Variants in RYR3 observed in about 807,000 individuals in gnomAD.
RYR3 encodes ryanodine receptor 3, also known as brain ryanodine receptor-calcium release channel.
Under a neutral mutation model 584.3 loss-of-function variants are expected in RYR3, and 207 were observed. The observed-to-expected ratio is 0.35, with a 90% CI of 0.32 to 0.40. RYR3 has a LOEUF of 0.40. RYR3 is among the 10% of genes least tolerant of loss of function. The pLI is 1.00. For missense variants in RYR3, 5,616 were observed against 6,089.2 expected (o/e 0.92, Z 2.59); for synonymous variants, 2,416 against 2,248.5 (o/e 1.07, Z -2.11).
Position 33,491,988 on chromosome 15 carries a change from T to C in RYR3, c.172-11643T>C, listed in dbSNP as rs2142516044. 2.6e-5 allele frequency among the ~76,000 whole-genome samples: 4 copies of C among 152,328 alleles called. No homozygotes were observed. In the East Asian group the frequency reaches 5.8e-4, roughly 22 times the overall value. ...CTTTCATTTTACCCAACCTCCATAC[T>C]TACAGTTCTTCCTGGTAAGGATGAC... On this transcript the variant is annotated intron_variant, in intron 2 of 103. Coordinates refer to ENST00000634891, the MANE Select transcript of RYR3 (RefSeq NM_001036.6).
rs549676537 is a variant in RYR3, at chr15:33,756,472, A to G, written c.8583+99A>G. 114 of 853,894 alleles carry G rather than the reference A, an allele frequency of 1.3e-4. 1 individual carries two copies. The highest frequency in any genetic ancestry group is 4.0e-4 in the East Asian group (15 of 37,488). 52.9% of individuals were successfully genotyped at this position (853,894 alleles called of 1,614,324 possible). Reference sequence around the variant, plus strand: ...TCCAGTGAAGATATCTAAAACTCCAATGGCTTCAGTGAGGTACATGTATAT... The same window carrying G: ...TCCAGTGAAGATATCTAAAACTCCAGTGGCTTCAGTGAGGTACATGTATAT... On this transcript the variant is annotated intron_variant, in intron 59 of 103. Transcript: ENST00000634891.
At chr15:33,578,776 A>AC (rs2058439425) in intron 12 of RYR3, among the ~76,000 whole-genome samples, 1 of 45,114 alleles carries the variant, frequency 2.2e-5, no homozygotes, top group South Asian at 5.1e-4. Flanking sequence ...AAAAAAAAAA[A>AC]AACAACAACA....
In RYR3 at chr15:33,772,121, G is replaced by A; in HGVS notation, c.9018G>A (p.Glu3006=). 6.2e-7 allele frequency: 1 copy of A among 1,613,412 alleles called. No homozygotes were observed. The highest frequency in any genetic ancestry group is 8.5e-7 in the Non-Finnish European group (1 of 1,179,558). Residue 3006 remains glutamate (E), a synonymous_variant, in exon 63 of 104, where the codon GAG becomes GAA. Transcript: ENST00000634891. ...TCCCCATCCTGACGTCCATCTTTGA[G>A]CACGTCACTCAGCATCAGTTTGGAA... ...ALLPILTSIF[E]HVTQHQFGMD...
At chr15:33,569,747 T>C (rs1331338561) in intron 12 of RYR3, among the ~76,000 whole-genome samples, 1 of 152,184 alleles carries the variant, frequency 6.6e-6, no homozygotes, top group African/African-American at 2.4e-5. Context: ...CATCTTTTCC[T>C]ACATTTGTTA....
chr15:33,654,051 T>C (rs2062669172), intron 32 of RYR3, among the ~76,000 whole-genome samples: 1 of 152,176 alleles, frequency 6.6e-6, no homozygotes. Flanking sequence ...GGGAGGTTAA[T>C]GTCTACGTTA....
Position 33,823,040 on chromosome 15 carries a change from T to G in RYR3, c.11040T>G (p.Phe3680Leu), listed in dbSNP as rs779268463. The change falls in exon 81 of 104, where the codon TTT (phenylalanine) becomes TTG (leucine). Residue 3680 changes from phenylalanine to leucine, a missense_variant. Transcript: ENST00000634891. ...YLKEKKDAGF[F>L]QSLSGLMQSC... ...AGGAGAAAAAGGATGCTGGATTCTT[T>G]CAAAGCCTTTCTGGTCTTATGCAGT... 3.1e-6 allele frequency: 5 copies of G among 1,613,660 alleles called. No homozygotes were observed. The highest frequency in any genetic ancestry group is 4.2e-6 in the Non-Finnish European group (5 of 1,179,718).
intron 10 of RYR3, among the ~76,000 whole-genome samples, chr15:33,555,536 C>A (rs1691473422): frequency 6.6e-6 from 1 of 152,090 alleles, no homozygotes; most frequent in South Asian, 2.1e-4. Context: ...TCAAGGAAAA[C>A]CTTGGGCTTC....
intron 42 of RYR3, among the ~76,000 whole-genome samples, chr15:33,702,419 G>C (rs973582808): frequency 3.9e-5 from 6 of 152,190 alleles, no homozygotes; most frequent in African/African-American, 7.2e-5. Flanking sequence ...TTGATGCAGT[G>C]GGTGTGAGAA....
intron 18 of RYR3, among the ~76,000 whole-genome samples, chr15:33,610,336 T>G (rs145084916): frequency 1.3e-5 from 2 of 152,334 alleles, no homozygotes; most frequent in African/African-American, 4.8e-5. Context: ...TTCCTCTCCC[T>G]CTAGAAGGCA....
intron 1 of RYR3, among the ~76,000 whole-genome samples, chr15:33,364,652 C>T (rs1367505405): frequency 6.6e-6 from 1 of 152,136 alleles, no homozygotes; most frequent in Non-Finnish European, 1.5e-5. Flanking sequence ...AAGTCATCTC[C>T]TAAGATATAG....
intron 36 of RYR3, among the ~76,000 whole-genome samples, chr15:33,664,597 A>G (rs890272221): frequency 1.2e-4 from 15 of 125,174 alleles, no homozygotes; most frequent in African/African-American, 3.7e-4. Context: ...GTGTATATAT[A>G]TATATATATA....
At chr15:33,756,282 T>G (rs957557665) in intron 58 of RYR3, 24 bp from the exon 59 acceptor site, 2 of 1,550,500 alleles carry the variant, frequency 1.3e-6, no homozygotes, top group African/African-American at 2.7e-5. Context: ...TCTGGCCAAC[T>G]TTGTGTTACC....
chr15:33,860,763 G>T, intron 101 of RYR3, 104 bp downstream of exon 101: 1 of 896,652 alleles, frequency 1.1e-6, no homozygotes, highest in South Asian at 1.7e-5. Flanking sequence ...CCAGTACTAA[G>T]CAAGAACGCA....
At chr15:33,774,522 T>C (rs943229395) in intron 64 of RYR3, among the ~76,000 whole-genome samples, 9 of 152,202 alleles carry the variant, frequency 5.9e-5, no homozygotes, top group Admixed American at 4.6e-4. Flanking sequence ...TTTCTCAATA[T>C]AGCCAAAGAT....
intron 81 of RYR3, 54 bp from the exon 82 acceptor site, chr15:33,825,549 C>A: frequency 8.6e-7 from 1 of 1,167,406 alleles, no homozygotes; most frequent in Non-Finnish European, 1.3e-6. Context: ...CATTAGAAAT[C>A]TGCTTTCCCA....
intron 1 of RYR3, among the ~76,000 whole-genome samples, chr15:33,435,457 A>C (rs772789228): frequency 6.6e-6 from 1 of 152,120 alleles, no homozygotes; most frequent in Admixed American, 6.5e-5. Context: ...GGGGCTCTGG[A>C]TATGTGTATG....
intron 1 of RYR3, 157 bp from the exon 2 acceptor site, chr15:33,473,262 T>TA (rs1417964787): frequency 3.0e-5 from 26 of 875,426 alleles, no homozygotes; most frequent in Non-Finnish European, 4.8e-5. Context: ...GTCCTGTGAA[T>TA]AAAAAATCTC....
chr15:33,416,111 C>T (rs35665563), intron 1 of RYR3, among the ~76,000 whole-genome samples: 8,322 of 152,214 alleles, frequency 0.055, 323 homozygotes, highest in Non-Finnish European at 0.081. Flanking sequence ...CATTGATGGG[C>T]GCCCAGGCTG....
intron 1 of RYR3, among the ~76,000 whole-genome samples, chr15:33,438,674 G>A (rs911036239): frequency 6.6e-6 from 1 of 152,022 alleles, no homozygotes; most frequent in Admixed American, 6.5e-5. Flanking sequence ...TGAGGATAAC[G>A]GACATATTCA....
Sources: allele counts gnomAD v4.1 joint callset (sites outside exome capture counted in the v4.1 genomes callset), GRCh38; gene constraint gnomAD v4.1.1; transcripts MANE v1.5; gene names NCBI Gene and HGNC (gene_info 2026-07-23, HGNC 2026-07-21).